Variants in FAM13C observed in about 807,000 individuals in gnomAD.
FAM13C encodes the protein family with sequence similarity 13 member C, also known as protein FAM13C.
In FAM13C, 37 loss-of-function variants were observed where a neutral mutation model predicts 73.2. The observed-to-expected ratio is 0.51, with a 90% CI of 0.39 to 0.67. FAM13C has a LOEUF of 0.67. Ranked by LOEUF, FAM13C falls within the 30% of genes least tolerant of loss-of-function variation. The pLI, the probability that FAM13C is intolerant of heterozygous loss-of-function variation, is 0.00. For missense variants in FAM13C, 589 were observed against 715.6 expected (o/e 0.82, Z 2.02); for synonymous variants, 246 against 260.9 (o/e 0.94, Z 0.55).
chr10:59,284,306 G>A (rs1036508872), intron 5 of FAM13C, among the ~76,000 whole-genome samples: 2 of 151,892 alleles, frequency 1.3e-5, no homozygotes, highest in African/African-American at 4.8e-5. Flanking sequence ...TAATTCCTCC[G>A]ACCAGGTGAA....
intron 3 of FAM13C, among the ~76,000 whole-genome samples, chr10:59,346,056 T>A (rs773134989): frequency 1.3e-5 from 2 of 152,188 alleles, no homozygotes; most frequent in Non-Finnish European, 2.9e-5. Flanking sequence ...TATTTTAGCT[T>A]TCCAGTGCTT....
intron 5 of FAM13C, among the ~76,000 whole-genome samples, chr10:59,302,414 T>C (rs1314307084): frequency 6.6e-6 from 1 of 152,156 alleles, no homozygotes; most frequent in African/African-American, 2.4e-5. Context: ...AAACAGTAAG[T>C]ATGATTATGT....
chr10:59,262,356 G>T, intron 10 of FAM13C, 78 bp downstream of exon 10: 5 of 1,310,558 alleles, frequency 3.8e-6, no homozygotes, highest in African/African-American at 1.5e-5. Context: ...ATGGCAAAGT[G>T]CTCTGACAAA....
chr10:59,305,551 GGTCAATATCTAAAT>G (rs1465912968), intron 4 of FAM13C, among the ~76,000 whole-genome samples: 2 of 152,140 alleles, frequency 1.3e-5, no homozygotes, highest in African/African-American at 4.8e-5. Flanking sequence ...TGGGCAACAA[GGTCAATATCTAAAT>G]GTCATAATGC....
At chr10:59,309,053 T>A (rs1304962956) in intron 4 of FAM13C, among the ~76,000 whole-genome samples, 2 of 152,254 alleles carry the variant, frequency 1.3e-5, no homozygotes, top group Non-Finnish European at 2.9e-5. Context: ...ATAATTAAAT[T>A]AGCAGAGGAA....
chr10:59,341,426 G>A (rs558673639), intron 3 of FAM13C, among the ~76,000 whole-genome samples: 1 of 152,248 alleles, frequency 6.6e-6, no homozygotes, highest in East Asian at 1.9e-4. Flanking sequence ...AGTGGCTCAC[G>A]CCTGTAATCC....
At chr10:59,291,787 T>A (rs1338665983) in intron 5 of FAM13C, among the ~76,000 whole-genome samples, 2 of 1,418 alleles carry the variant, frequency 1.4e-3, no homozygotes, top group Non-Finnish European at 0.027. Context: ...TAAACTCCCT[T>A]TTTTTTTTTT....
rs185917604 is a variant in FAM13C at position 59,298,835 on chromosome 10, G to A, written c.507+3966C>T. Reference sequence around the variant, plus strand: ...CTCTGCAAGCACTGGGAAAATGGAAGAAGGGTAGAATCAATGAATGTTAAA... The same window carrying A: ...CTCTGCAAGCACTGGGAAAATGGAAAAAGGGTAGAATCAATGAATGTTAAA... On this transcript the variant is annotated intron_variant, in intron 5 of 13. Coordinates refer to ENST00000618804, the MANE Select transcript of FAM13C (RefSeq NM_198215.4). Among the ~76,000 whole-genome samples the A allele has an allele frequency of 5.3e-5, 8 of 152,310 alleles. 1 individual carries two copies. Among genetic ancestry groups the A allele is most frequent in the Admixed American group, 2.0e-4 (3 of 15,286 alleles).
intron 3 of FAM13C, among the ~76,000 whole-genome samples, chr10:59,336,325 CCTGACTTCAGTGA>C (rs752091154): frequency 3.9e-5 from 6 of 152,252 alleles, no homozygotes; most frequent in South Asian, 4.2e-4. Flanking sequence ...TAAGGAGCAT[CCTGACTTCAGTGA>C]TATTAAAGTG....
At chr10:59,283,828 C>A in intron 5 of FAM13C, 1 of 464,750 alleles carries the variant, frequency 2.2e-6, no homozygotes, top group South Asian at 3.7e-5. Flanking sequence ...TGAGGCTTTA[C>A]GCTTTGAGTG....
At chr10:59,286,503 A>T in intron 5 of FAM13C, among the ~76,000 whole-genome samples, 2 of 129,346 alleles carry the variant, frequency 1.5e-5, no homozygotes, top group African/African-American at 2.9e-5. Flanking sequence ...CAACAGAGCA[A>T]GACTCCATCT....
At chr10:59,299,127 C>A (rs915792525) in intron 5 of FAM13C, among the ~76,000 whole-genome samples, 4 of 152,030 alleles carry the variant, frequency 2.6e-5, no homozygotes, top group Admixed American at 6.6e-5. Flanking sequence ...GTTCTCATCA[C>A]AAAGAACTGA....
chr10:59,308,569 C>G (rs12220451), intron 4 of FAM13C, among the ~76,000 whole-genome samples: 1 of 151,212 alleles, frequency 6.6e-6, no homozygotes, highest in Non-Finnish European at 1.5e-5. Flanking sequence ...CCACCAACCA[C>G]CATCACCACC....
At chr10:59,306,096 T>C (rs914281665) in intron 4 of FAM13C, among the ~76,000 whole-genome samples, 10 of 152,272 alleles carry the variant, frequency 6.6e-5, no homozygotes, top group Middle Eastern at 3.4e-3. Context: ...TATTCTCTAA[T>C]AGAAAAAATA....
intron 3 of FAM13C, among the ~76,000 whole-genome samples, chr10:59,338,332 T>C (rs557121359): frequency 6.6e-5 from 10 of 152,184 alleles, no homozygotes; most frequent in African/African-American, 2.4e-4. Flanking sequence ...CCAGGGCTCA[T>C]CTCTTTTTGC....
At chr10:59,319,292 C>T (rs1444691155) in intron 4 of FAM13C, among the ~76,000 whole-genome samples, 2 of 152,180 alleles carry the variant, frequency 1.3e-5, no homozygotes, top group African/African-American at 2.4e-5. Flanking sequence ...GGATCTTCAA[C>T]CTCCTGCAAC....
At position 59,247,617 on chromosome 10, in the gene FAM13C, A is replaced by G; in HGVS notation, c.1755T>C (p.Ile585=). 3 of 1,613,332 alleles carry G rather than the reference A, an allele frequency of 1.9e-6. No homozygotes were observed. The highest frequency in any genetic ancestry group is 1.7e-6 in the Non-Finnish European group (2 of 1,179,612). ...TGATCATAACATTTCCTGAACCTCA[A>G]ATAGTTTTGGCCACATCTTGCTTGC... The part of the protein sequence containing the change: ...LISKQDVAKT[I] The change falls in exon 14 of 14, where the codon ATT becomes ATC. Residue 585 remains isoleucine (I), a synonymous_variant. Coordinates refer to ENST00000618804, the MANE Select transcript of FAM13C (RefSeq NM_198215.4).
intron 3 of FAM13C, among the ~76,000 whole-genome samples, chr10:59,341,299 T>C (rs566258860): frequency 6.6e-6 from 1 of 152,258 alleles, no homozygotes; most frequent in East Asian, 1.9e-4. Flanking sequence ...GAAATTTCCC[T>C]GGCACACAGC....
intron 5 of FAM13C, among the ~76,000 whole-genome samples, chr10:59,294,676 C>T (rs1213835825): frequency 1.3e-5 from 2 of 152,204 alleles, no homozygotes; most frequent in African/African-American, 4.8e-5. Flanking sequence ...TTTTGCCATG[C>T]AGTTCATTCA....
Sources: gnomAD v4.1 joint callset for allele counts (sites outside exome capture counted in the v4.1 genomes callset) on GRCh38, gnomAD v4.1.1 for gene constraint, MANE v1.5 for transcripts, NCBI Gene and HGNC (gene_info 2026-07-23, HGNC 2026-07-21) for gene names.